The following RNF220 variants were observed in gnomAD, a reference collection of about 807,000 sequenced individuals.
The protein encoded by RNF220 is E3 ubiquitin-protein ligase RNF220.
In RNF220, 7 loss-of-function variants were observed where a neutral mutation model predicts 67.1. The observed-to-expected ratio is 0.10, with a 90% CI of 0.06 to 0.20. The LOEUF (loss-of-function observed/expected upper bound fraction) is 0.20, where lower values mean the gene tolerates loss of function less well. Ranked by LOEUF, RNF220 falls within the 10% of genes least tolerant of loss-of-function variation. The pLI is 1.00. For synonymous variants in RNF220, 270 were observed against 283.2 expected (o/e 0.95, Z 0.47); for missense variants, 565 against 740.3 (o/e 0.76, Z 2.75).
At chr1:44,626,717 A>G (rs1299960360) in intron 5 of RNF220, 1 of 283,528 alleles carries the variant, frequency 3.5e-6, no homozygotes, top group African/African-American at 2.2e-5. Context: ...TACATAGCCC[A>G]GAATCACCTG....
In RNF220 at chr1:44,411,990, G is replaced by A; in HGVS notation, c.-108G>A. 6 of 1,266,110 alleles carry A rather than the reference G, an allele frequency of 4.7e-6. No homozygotes were observed. The highest frequency in any genetic ancestry group is 6.6e-6 in the Non-Finnish European group (6 of 912,522). The allele number at this position is 1,266,110 out of a possible 1,614,324, so 78.4% of individuals were successfully genotyped here. A position where few individuals can be genotyped will look rare whatever the true frequency, so the allele number is the denominator to read the frequency against. On this transcript the variant is annotated 5_prime_UTR_variant, in exon 2 of 15. Transcript: ENST00000361799. ...TTTGCTGTTTCTACAGGTCTTAGGA[G>A]GGAATGATTCCCCAGTAATATTCCC...
chr1:44,515,348 T>A (rs1278834669), intron 2 of RNF220, among the ~76,000 whole-genome samples: 1 of 152,128 alleles, frequency 6.6e-6, no homozygotes, highest in Non-Finnish European at 1.5e-5. Context: ...ATTGAGTAGA[T>A]GGTTCTTGAA....
At chr1:44,443,159 G>T (rs78142571) in intron 2 of RNF220, among the ~76,000 whole-genome samples, 1 of 152,218 alleles carries the variant, frequency 6.6e-6, no homozygotes, top group African/African-American at 2.4e-5. Flanking sequence ...CTTGGATGTC[G>T]TGTGGGCACT....
Position 44,519,189 on chromosome 1 carries a change from T to C in RNF220, c.626-94976T>C, listed in dbSNP as rs75996689. On this transcript the variant is annotated intron_variant, in intron 2 of 14. Coordinates refer to ENST00000361799, the MANE Select transcript of RNF220 (RefSeq NM_018150.4). ...ATGCAGAGAAAGGCACAGTTGTCAA[T>C]AAGCGTGTTGTGTTTTGAGAACAAT... Among the ~76,000 whole-genome samples, 1,411 of 152,336 alleles carry C rather than the reference T, an allele frequency of 9.3e-3. 17 individuals are homozygous for C. The highest frequency in any genetic ancestry group is 0.057 in the South Asian group (274 of 4,832).
At chr1:44,461,546 G>T (rs191614305) in intron 2 of RNF220, among the ~76,000 whole-genome samples, 1 of 152,110 alleles carries the variant, frequency 6.6e-6, no homozygotes, top group Admixed American at 6.6e-5. Context: ...TTTGTATTTA[G>T]TTGATGCATC....
At chr1:44,437,946 G>A (rs991949050) in intron 2 of RNF220, among the ~76,000 whole-genome samples, 9 of 152,172 alleles carry the variant, frequency 5.9e-5, no homozygotes, top group Admixed American at 6.5e-5. Flanking sequence ...CCTCATGAGG[G>A]GTTGGGAAAG....
chr1:44,598,407 G>C (rs772444434), intron 2 of RNF220, among the ~76,000 whole-genome samples: 5 of 152,208 alleles, frequency 3.3e-5, no homozygotes, highest in Non-Finnish European at 7.3e-5. Context: ...GGGCTCCTGG[G>C]AGTGAAGACG....
chr1:44,471,063 C>T (rs1413667975), intron 2 of RNF220, among the ~76,000 whole-genome samples: 1 of 152,118 alleles, frequency 6.6e-6, no homozygotes, highest in Non-Finnish European at 1.5e-5. Context: ...TGCACTCCAT[C>T]CTGTGTGACA....
intron 2 of RNF220, among the ~76,000 whole-genome samples, chr1:44,481,024 G>T (rs1655755138): frequency 6.6e-6 from 1 of 152,208 alleles, no homozygotes; most frequent in African/African-American, 2.4e-5. Context: ...ACAGTTTAGT[G>T]GAATGACAGG....
chr1:44,452,057 G>C (rs796085072), intron 2 of RNF220, among the ~76,000 whole-genome samples: 157 of 152,256 alleles, frequency 1.0e-3, no homozygotes, highest in African/African-American at 3.6e-3. Context: ...TGTGAATTAG[G>C]TTTATAACTT....
chr1:44,542,432 A>G (rs1661746535), intron 2 of RNF220, among the ~76,000 whole-genome samples: 1 of 152,086 alleles, frequency 6.6e-6, no homozygotes, highest in Non-Finnish European at 1.5e-5. Context: ...AGGATGTCCT[A>G]TGGGGGAGGG....
intron 2 of RNF220, among the ~76,000 whole-genome samples, chr1:44,458,692 G>A (rs149696271): frequency 9.9e-4 from 150 of 152,094 alleles, no homozygotes; most frequent in African/African-American, 3.6e-3. Flanking sequence ...CTTTCTTTTC[G>A]CACGATTGGT....
intron 2 of RNF220, among the ~76,000 whole-genome samples, chr1:44,418,303 T>A (rs1319171116): frequency 1.3e-5 from 2 of 152,074 alleles, no homozygotes; most frequent in Non-Finnish European, 2.9e-5. Context: ...GGAGGGAGGT[T>A]GGACGTGTGT....
intron 2 of RNF220, among the ~76,000 whole-genome samples, chr1:44,532,845 A>T (rs993156516): frequency 6.6e-6 from 1 of 152,230 alleles, no homozygotes; most frequent in Non-Finnish European, 1.5e-5. Flanking sequence ...GCAGAAGGGT[A>T]TACTGAGGCT....
intron 2 of RNF220, among the ~76,000 whole-genome samples, chr1:44,573,473 C>T (rs543403404): frequency 6.6e-6 from 1 of 152,268 alleles, no homozygotes; most frequent in Admixed American, 6.5e-5. Context: ...AGAAGGAAAC[C>T]TAGCAGTGGG....
chr1:44,498,855 C>G lies in RNF220; in HGVS notation c.625+86133C>G, dbSNP rs781792. On this transcript the variant is annotated intron_variant, in intron 2 of 14. Transcript: ENST00000361799. ...GTGCTGCTGTTCCAAGGGCCACACT[C>G]AGATAATCGTTTTCAATATCCTGCT... 3.2e-3 allele frequency among the ~76,000 whole-genome samples: 488 copies of G among 152,326 alleles called. 6 individuals are homozygous for G. Among genetic ancestry groups the G allele is most frequent in the African/African-American group, 0.011 (470 of 41,564 alleles).
chr1:44,566,368 G>C lies in RNF220; in HGVS notation c.626-47797G>C, dbSNP rs139496973. Among the ~76,000 whole-genome samples, 434 of 152,258 alleles carry C rather than the reference G, an allele frequency of 2.9e-3. 3 individuals are homozygous for C. The highest frequency in any genetic ancestry group is 1.0e-2 in the African/African-American group (415 of 41,552). On this transcript the variant is annotated intron_variant, in intron 2 of 14. Coordinates refer to ENST00000361799, the MANE Select transcript of RNF220 (RefSeq NM_018150.4). ...AGGGGAGCCAAGACTAAGTGCGGAG[G>C]GAGGGGGTGAATGAAGTCCTCAGCC...
intron 2 of RNF220, among the ~76,000 whole-genome samples, chr1:44,452,588 G>A (rs144089687): frequency 1.6e-4 from 25 of 151,988 alleles, no homozygotes; most frequent in African/African-American, 5.5e-4. Context: ...ATAATAAACC[G>A]TATGGGGCCA....
chr1:44,614,372 C>T (rs1643452348), intron 3 of RNF220, 75 bp downstream of exon 3: 1 of 1,544,510 alleles, frequency 6.5e-7, no homozygotes, highest in Non-Finnish European at 8.8e-7. Context: ...CCAGAAGCAG[C>T]CGCCTGGCCC....
Sources: gnomAD v4.1 joint callset for allele counts (sites outside exome capture counted in the v4.1 genomes callset) on GRCh38, gnomAD v4.1.1 for gene constraint, MANE v1.5 for transcripts, NCBI Gene and HGNC (gene_info 2026-07-23, HGNC 2026-07-21) for gene names.